LAMA1: variants seen among roughly 807,000 people sequenced by gnomAD.
LAMA1 encodes the protein laminin subunit alpha-1.
LAMA1 carries 219 observed loss-of-function variants against 348.7 expected under a neutral mutation model. The ratio of observed to expected loss-of-function variants is 0.63; its 90% CI spans 0.56 to 0.70. LAMA1 has a LOEUF of 0.70. Among genes scored for constraint, LAMA1 ranks in the 30% least tolerant of loss-of-function variants. The probability of loss-of-function intolerance (pLI) is 0.00; values close to 1 mark genes in which losing one functional copy is unlikely to be tolerated. For synonymous variants in LAMA1, 1,487 were observed against 1,491.0 expected, an observed-to-expected ratio of 1.00 and a Z score of 0.06; for missense variants, 3,744 against 3,888.0, an observed-to-expected ratio of 0.96 and a Z score of 0.99.
intron 1 of LAMA1, among the ~76,000 whole-genome samples, chr18:7,111,163 C>G (rs567650022): frequency 6.6e-6 from 1 of 152,228 alleles, no homozygotes; most frequent in African/African-American, 2.4e-5. Flanking sequence ...GCCAGCAGAT[C>G]AGACTTCAAA....
In LAMA1 at chr18:6,949,198, A is replaced by T. The variant is rs1179962384; in HGVS notation, c.8459T>A (p.Met2820Lys). ...FITVDGRESP[M>K]VTVVGDGTML... is the part of the protein sequence containing the mutation. ...GGTTCCATCTCCCACCACAGTCACC[A>T]TGGGAGACTCTCGGCCGTCGACAGT... Residue 2820 changes from methionine (M) to lysine (K), a missense_variant, in exon 59 of 63, where the codon ATG becomes AAG. Around this residue, in one of 3 missense-constraint regions of LAMA1, gnomAD observed 1,983 missense variants for 1,934.3 expected, o/e 1.03. Transcript: ENST00000389658. 2 of 1,614,078 alleles carry T rather than the reference A, an allele frequency of 1.2e-6. No individual in the cohort carries two copies. The highest frequency in any genetic ancestry group is 1.7e-5 in the Admixed American group (1 of 60,020).
chr18:7,116,479 T>G (rs77537846), intron 1 of LAMA1, among the ~76,000 whole-genome samples: 1 of 152,212 alleles, frequency 6.6e-6, no homozygotes, highest in African/African-American at 2.4e-5. Context: ...AGTGCTTCCA[T>G]CATGAATGCT....
At chr18:7,017,624 T>G (rs1011653767) in intron 19 of LAMA1, among the ~76,000 whole-genome samples, 3 of 152,188 alleles carry the variant, frequency 2.0e-5, no homozygotes, top group African/African-American at 7.2e-5. Context: ...AGACAATAAT[T>G]AGCGAATTCG....
At position 7,105,879 on chromosome 18, in the gene LAMA1, A is replaced by G. The variant is rs539101986; in HGVS notation, c.61+11781T>C. Among the ~76,000 whole-genome samples, 6 of 152,346 alleles carry G rather than the reference A, an allele frequency of 3.9e-5. No individual in the cohort carries two copies. In the South Asian group the frequency reaches 1.2e-3, roughly 32 times the overall value. On this transcript the variant is annotated intron_variant, in intron 1 of 62. Transcript: ENST00000389658. ...TGGCGAATGACCAAGTCAGCAAAGCAAGACTAAACTGTGGGGAAACCCATT... is the reference window on the plus strand; with the variant it reads ...TGGCGAATGACCAAGTCAGCAAAGCGAGACTAAACTGTGGGGAAACCCATT...
chr18:6,978,162 A>G (rs781483416), intron 43 of LAMA1, 34 bp downstream of exon 43: 7 of 1,613,516 alleles, frequency 4.3e-6, no homozygotes, highest in South Asian at 3.3e-5. Flanking sequence ...CATGACGCAG[A>G]CGATCATGAC....
chr18:7,012,180 G>T, intron 23 of LAMA1, 42 bp from the exon 24 acceptor site: 1 of 1,603,010 alleles, frequency 6.2e-7, no homozygotes, highest in Non-Finnish European at 8.5e-7. Flanking sequence ...GCCTAAAAAA[G>T]AGATGTGATT....
chr18:7,009,447 T>C (rs1176750951), intron 26 of LAMA1, 81 bp from the exon 27 acceptor site: 8 of 1,467,598 alleles, frequency 5.5e-6, no homozygotes, highest in Non-Finnish European at 7.5e-6. Context: ...TAAATTCTTT[T>C]ATAAATTTCT....
At chr18:6,965,784 T>C in intron 49 of LAMA1, 1 of 394,370 alleles carries the variant, frequency 2.5e-6, no homozygotes, top group Non-Finnish European at 4.6e-6. Context: ...AACAAGAACA[T>C]GAAATTCCCA....
intron 1 of LAMA1, among the ~76,000 whole-genome samples, chr18:7,098,650 CG>C (rs1340514105): frequency 1.3e-5 from 2 of 149,386 alleles, no homozygotes; most frequent in Non-Finnish European, 3.0e-5. Flanking sequence ...CCTCTCCGAC[CG>C]GCAGCCACCC....
chr18:7,038,999 A>G (rs2058008892), intron 10 of LAMA1, 49 bp from the exon 11 acceptor site: 18 of 1,490,324 alleles, frequency 1.2e-5, no homozygotes, highest in Admixed American at 3.3e-5. Context: ...GTGTCTGTCC[A>G]GAGAGAATAA....
rs1186336331 is a variant in LAMA1 at position 6,959,484 on chromosome 18, AAAG to A, written c.7632_7634del (p.Phe2545del). On this transcript the variant is annotated inframe_deletion, in exon 54 of 63. Coordinates refer to ENST00000389658, the MANE Select transcript of LAMA1 (RefSeq NM_005559.4). Reference sequence around the variant, plus strand: ...TGTTGCCTCCGATCAGCATGACGGAAAAGAAGGGCTGGGGAGGTTGCATAGAGA... The same window carrying A: ...TGTTGCCTCCGATCAGCATGACGGAAAAGGGCTGGGGAGGTTGCATAGAGA... 11 of 1,614,090 alleles carry A rather than the reference AAAG, an allele frequency of 6.8e-6. No individual in the cohort carries two copies. The Admixed American group carries it at 1.8e-4, about 27-fold the overall frequency.
intron 3 of LAMA1, among the ~76,000 whole-genome samples, chr18:7,064,191 T>C (rs1006916648): frequency 6.6e-6 from 1 of 152,064 alleles, no homozygotes; most frequent in Admixed American, 6.6e-5. Flanking sequence ...AATTAAAGTA[T>C]GCAAAATAGA....
rs562297545 is a variant in LAMA1, at chr18:7,012,081, C to T, written c.3421G>A (p.Ala1141Thr). 6.2e-6 allele frequency: 10 copies of T among 1,613,160 alleles called. No individual in the cohort carries two copies. Among genetic ancestry groups the T allele is most frequent in the Non-Finnish European group, 7.6e-6 (9 of 1,179,578 alleles). ...GGGCTGCAGCCCAGGGGGTTGTCTG[C>T]GCGGAGAGCGAAGGTGCCCTCTCGA... ...ECREGTFALR[A>T]DNPLGCSPCF... Residue 1141 changes from alanine to threonine, a missense_variant, in exon 24 of 63, where the codon GCA becomes ACA. By Grantham distance (58) the Ala-to-Thr change is moderately conservative. Coordinates refer to ENST00000389658, the MANE Select transcript of LAMA1 (RefSeq NM_005559.4).
intron 3 of LAMA1, among the ~76,000 whole-genome samples, chr18:7,076,465 G>A (rs7228959): frequency 0.36 from 55,102 of 151,916 alleles, 10,584 homozygotes; most frequent in East Asian, 0.7. Context: ...GAAATAGAGA[G>A]CACAGAAGAA....
rs751419258 is a variant in LAMA1, at chr18:6,995,367, A to G, written c.4886T>C (p.Leu1629Pro). Residue 1629 changes from leucine (L) to proline (P), a missense_variant, in exon 34 of 63, where the codon CTG becomes CCG. By Grantham distance (98) the Leu-to-Pro change is moderately conservative (BLOSUM62 -3). Around this residue, in one of 3 missense-constraint regions of LAMA1, gnomAD observed 1,983 missense variants for 1,934.3 expected, o/e 1.03. Coordinates refer to ENST00000389658, the MANE Select transcript of LAMA1 (RefSeq NM_005559.4). ...ATGGAAAGAATTTACCTTCTTTTGC[A>G]GGTTGTCCGTTTCTTCTGCAACACC... is the stretch of plus-strand genomic sequence containing the variant. The part of the protein sequence containing the change: ...LEGVAEETDN[L>P]QKKLTRMLAS... 1.2e-6 allele frequency: 2 copies of G among 1,612,020 alleles called. No homozygotes were observed. Among genetic ancestry groups the G allele is most frequent in the Admixed American group, 1.7e-5 (1 of 60,022 alleles).
At chr18:7,029,988 A>C (rs1382777003) in intron 16 of LAMA1, among the ~76,000 whole-genome samples, 8 of 152,042 alleles carry the variant, frequency 5.3e-5, no homozygotes, top group East Asian at 3.9e-4. Context: ...AAAAAAAAAA[A>C]CCAGCAAGGT....
chr18:6,997,614 C>G, intron 33 of LAMA1, 128 bp downstream of exon 33: 1 of 985,460 alleles, frequency 1.0e-6, no homozygotes, highest in East Asian at 2.4e-5. Context: ...GACACCTGCC[C>G]GCAGGGGCTG....
intron 13 of LAMA1, 122 bp from the exon 14 acceptor site, chr18:7,034,812 C>T (rs1255233010): frequency 1.1e-5 from 9 of 807,490 alleles, no homozygotes; most frequent in Non-Finnish European, 1.6e-5. Flanking sequence ...TTGTGGCAAA[C>T]GTGTAATGGT....
At chr18:7,038,789 C>A (rs374501784) in intron 11 of LAMA1, 21 bp downstream of exon 11, 1 of 1,613,754 alleles carries the variant, frequency 6.2e-7, no homozygotes, top group African/African-American at 1.3e-5. Context: ...TAAATCCCGC[C>A]GCGCAGATGG....
Sources: gnomAD v4.1 joint callset for allele counts (sites outside exome capture counted in the v4.1 genomes callset) on GRCh38, gnomAD v4.1.1 for gene constraint, gnomAD v4.1.1 regional missense constraint, MANE v1.5 for transcripts, NCBI Gene and HGNC (gene_info 2026-07-23, HGNC 2026-07-21) for gene names.